ROR2: variants seen among roughly 807,000 people sequenced by gnomAD.
The protein encoded by ROR2 is ROR family WNT receptor 2, also known as tyrosine-protein kinase transmembrane receptor ROR2.
Under a neutral mutation model 74.9 loss-of-function variants are expected in ROR2, and 33 were observed. That is an observed-to-expected ratio of 0.44 (90% CI 0.33 to 0.59). The LOEUF (loss-of-function observed/expected upper bound fraction) is 0.59. Ranked by LOEUF, ROR2 falls within the 20% of genes least tolerant of loss-of-function variation. The pLI, the probability that ROR2 is intolerant of heterozygous loss-of-function variation, is 0.02. For missense variants in ROR2, 1,216 were observed against 1,313.8 expected (o/e 0.93, Z 1.15); for synonymous variants, 586 against 558.7 (o/e 1.05, Z -0.69).
At chr9:91,831,489 G>T (rs1435969804) in intron 1 of ROR2, among the ~76,000 whole-genome samples, 1 of 152,002 alleles carries the variant, frequency 6.6e-6, no homozygotes, top group Non-Finnish European at 1.5e-5. Flanking sequence ...AAAAGCAAGT[G>T]AACAGGCCAG....
chr9:91,942,551 AG>A (rs2118065905), intron 1 of ROR2, among the ~76,000 whole-genome samples: 1 of 152,296 alleles, frequency 6.6e-6, no homozygotes, highest in South Asian at 2.1e-4. Context: ...ACTTTGCTCT[AG>A]GAAGTGCCCT....
intron 1 of ROR2, among the ~76,000 whole-genome samples, chr9:91,877,624 T>G (rs537460881): frequency 6.6e-6 from 1 of 152,350 alleles, no homozygotes; most frequent in Admixed American, 6.5e-5. Context: ...TAAGAGTCAA[T>G]TCTCACTCAG....
chr9:91,910,546 G>A (rs1273033972), intron 1 of ROR2, among the ~76,000 whole-genome samples: 1 of 152,010 alleles, frequency 6.6e-6, no homozygotes, highest in African/African-American at 2.4e-5. Flanking sequence ...ACACAACCAA[G>A]GCAATGAAAG....
intron 1 of ROR2, among the ~76,000 whole-genome samples, chr9:91,781,694 T>C (rs2118961755): frequency 6.6e-6 from 1 of 152,362 alleles, no homozygotes; most frequent in Admixed American, 6.5e-5. Context: ...TTATTTTCAT[T>C]ATTTCTAACT....
chr9:91,722,672 C>CA lies in ROR2; in HGVS notation c.*989dup. 3.9e-6 allele frequency: 3 copies of CA among 775,502 alleles called. No homozygotes were observed. The highest frequency in any genetic ancestry group is 7.2e-6 in the Non-Finnish European group (3 of 415,678). 48.0% of individuals were successfully genotyped at this position (775,502 alleles called of 1,614,324 possible). ...TAGGACCAACAATGTGTGCGGGGCA[C>CA]AGACGGCTGCCTGTGGGTCTGTGTG... On this transcript the variant is annotated 3_prime_UTR_variant, in exon 9 of 9. Coordinates refer to ENST00000375708, the MANE Select transcript of ROR2 (RefSeq NM_004560.4).
chr9:91,868,334 T>C (rs796356705), intron 1 of ROR2, among the ~76,000 whole-genome samples: 38 of 151,876 alleles, frequency 2.5e-4, no homozygotes, highest in African/African-American at 8.4e-4. Context: ...AATAAACAGA[T>C]CACTTCTGTG....
At chr9:91,847,953 G>A (rs903059259) in intron 1 of ROR2, among the ~76,000 whole-genome samples, 2 of 152,152 alleles carry the variant, frequency 1.3e-5, no homozygotes, top group Non-Finnish European at 2.9e-5. Context: ...TACAGAAACT[G>A]TCTCAAAATG....
At position 91,733,912 on chromosome 9, in the gene ROR2, G is replaced by C. The variant is rs893319962; in HGVS notation, c.623-476C>G. ...AAGGCTGTCCCGGAAGAGGGAGTCA[G>C]CTCAGCTCTGTGAACTGCAGCTGGA... On this transcript the variant is annotated intron_variant, in intron 5 of 8. Transcript: ENST00000375708. This position sits in a 1 kb window ranked among gnomAD's most constrained non-coding sequence, Gnocchi z 5.7. Among the ~76,000 whole-genome samples, 31 of 152,166 alleles carry C rather than the reference G, an allele frequency of 2.0e-4. No homozygotes were observed. The highest frequency in any genetic ancestry group is 7.5e-4 in the African/African-American group (31 of 41,450).
At chr9:91,854,824 T>C (rs1829226046) in intron 1 of ROR2, among the ~76,000 whole-genome samples, 1 of 152,204 alleles carries the variant, frequency 6.6e-6, no homozygotes, top group African/African-American at 2.4e-5. Flanking sequence ...GTTTGAATGG[T>C]AGAGTGCTGT....
At chr9:91,885,017 T>TA (rs1279693960) in intron 1 of ROR2, among the ~76,000 whole-genome samples, 1 of 152,156 alleles carries the variant, frequency 6.6e-6, no homozygotes, top group East Asian at 1.9e-4. Context: ...CTCGCGAACT[T>TA]AAAGAGCTAA....
At chr9:91,794,983 G>A (rs1198552578) in intron 1 of ROR2, among the ~76,000 whole-genome samples, 1 of 151,552 alleles carries the variant, frequency 6.6e-6, no homozygotes, top group Non-Finnish European at 1.5e-5. Flanking sequence ...TTAGCTGGGT[G>A]TGGTGGCAGG....
rs532775919 is a variant in ROR2, at chr9:91,776,827, G to A, written c.98-1009C>T. 9.8e-5 allele frequency among the ~76,000 whole-genome samples: 14 copies of A among 143,300 alleles called. No homozygotes were observed. The East Asian group carries it at 2.5e-3, about 26-fold the overall frequency. The allele number at this position is 143,300 out of a possible 152,430, so 94.0% of individuals were successfully genotyped here. The stretch of plus-strand genomic sequence containing the variant: ...CATACTTGCACTATATACACACATC[G>A]AAAAGAGACAAAAATTATTAACTGC... On this transcript the variant is annotated intron_variant, in intron 1 of 8. Transcript: ENST00000375708.
chr9:91,899,276 C>A (rs768655554), intron 1 of ROR2, among the ~76,000 whole-genome samples: 1 of 152,194 alleles, frequency 6.6e-6, no homozygotes, highest in Non-Finnish European at 1.5e-5. Flanking sequence ...CTGCAAAGGG[C>A]GACTGCAGAC....
At chr9:91,855,439 T>C (rs772268792) in intron 1 of ROR2, among the ~76,000 whole-genome samples, 1 of 152,190 alleles carries the variant, frequency 6.6e-6, no homozygotes, top group South Asian at 2.1e-4. Flanking sequence ...GGTCGGGAGA[T>C]CATGCAGGCT....
chr9:91,846,262 G>A (rs1458881068), intron 1 of ROR2, among the ~76,000 whole-genome samples: 2 of 152,056 alleles, frequency 1.3e-5, no homozygotes, highest in African/African-American at 2.4e-5. Context: ...TCAGTAAGAC[G>A]GTGTTTGGAG....
intron 3 of ROR2, among the ~76,000 whole-genome samples, chr9:91,756,743 CT>C (rs557043787): frequency 0.052 from 5,359 of 103,920 alleles, 45 homozygotes; most frequent in Non-Finnish European, 0.069. Flanking sequence ...TTTTTGTTCT[CT>C]TTTTTTTTTT....
chr9:91,793,772 A>AG (rs1334639037), intron 1 of ROR2, among the ~76,000 whole-genome samples: 1 of 152,136 alleles, frequency 6.6e-6, no homozygotes, highest in East Asian at 1.9e-4. Flanking sequence ...AAAAAAAAAA[A>AG]AAAAGACACA....
At chr9:91,793,741 G>A (rs1386058289) in intron 1 of ROR2, among the ~76,000 whole-genome samples, 34 of 145,024 alleles carry the variant, frequency 2.3e-4, no homozygotes, top group Non-Finnish European at 3.4e-4. Context: ...CAGCCCGGGC[G>A]ACAGTGTGAG....
chr9:91,818,331 C>T (rs1359760444), intron 1 of ROR2, among the ~76,000 whole-genome samples: 2 of 152,004 alleles, frequency 1.3e-5, no homozygotes, highest in Admixed American at 1.3e-4. Flanking sequence ...AAATACTAAA[C>T]TTTTTTTTGC....
Sources: allele counts gnomAD v4.1 joint callset (sites outside exome capture counted in the v4.1 genomes callset), GRCh38; gene constraint gnomAD v4.1.1; non-coding constraint Gnocchi (gnomAD v3.1); transcripts MANE v1.5; gene names NCBI Gene and HGNC (gene_info 2026-07-23, HGNC 2026-07-21).